Variants in CGREF1 observed in about 807,000 individuals in gnomAD.
The protein encoded by CGREF1 is cell growth regulator with EF hand domain protein 1.
CGREF1 carries 16 observed loss-of-function variants against 17.4 expected under a neutral mutation model. The observed-to-expected ratio is 0.92, with a 90% CI of 0.62 to 1.40. The LOEUF (loss-of-function observed/expected upper bound fraction) is 1.40, where lower values mean the gene tolerates loss of function less well. Ranked by LOEUF, CGREF1 falls within the 40% of genes most tolerant of loss-of-function variation. CGREF1 has a pLI of 0.00. For synonymous variants in CGREF1, 142 were observed against 154.6 expected (o/e 0.92, Z 0.61); for missense variants, 296 against 376.4 (o/e 0.79, Z 1.77).
rs1670785047 is a variant in CGREF1, at chr2:27,100,940, G to A, written c.*334C>T. ...GGTCCTCTGCAGCCGGCCATGGCTA[G>A]CACCATGCGCTCTGCTGCCGGAGCA... On this transcript the variant is annotated 3_prime_UTR_variant, in exon 6 of 6. Coordinates refer to ENST00000402394, the MANE Select transcript of CGREF1 (RefSeq NM_006569.6). 1.8e-5 allele frequency: 20 copies of A among 1,130,340 alleles called. No individual in the cohort carries two copies. Among genetic ancestry groups the A allele is most frequent in the Admixed American group, 4.6e-5 (1 of 21,950 alleles). 70.0% of individuals were successfully genotyped at this position (1,130,340 alleles called of 1,614,324 possible). A position where few individuals can be genotyped will look rare whatever the true frequency, so the allele number is the denominator to read the frequency against.
At chr2:27,099,408 G>C (rs374688541), downstream of CGREF1, 1 of 1,612,878 alleles carries the variant, frequency 6.2e-7, no homozygotes, top group Non-Finnish European at 8.5e-7. Flanking sequence ...GCTGAGTGGA[G>C]CCGTCTTGCA....
Position 27,119,065 on chromosome 2 carries a change from C to CA in CGREF1, c.-232dup, listed in dbSNP as rs999692658. The CA allele has an allele frequency of 6.6e-6, 1 of 152,512 alleles. No individual in the cohort carries two copies. Among genetic ancestry groups the CA allele is most frequent in the African/African-American group, 2.4e-5 (1 of 41,426 alleles). 9.4% of individuals were successfully genotyped at this position (152,512 alleles called of 1,614,324 possible). A position where few individuals can be genotyped will look rare whatever the true frequency, so the allele number is the denominator to read the frequency against. ...CGGACCTGGCCCTTCGCAGCTCCACCAGCGCCCCCGCTGCGCCCGCGGCCG... is the reference window on the plus strand; with the variant it reads ...CGGACCTGGCCCTTCGCAGCTCCACCAAGCGCCCCCGCTGCGCCCGCGGCCG... On this transcript the variant is annotated 5_prime_UTR_variant, in exon 1 of 6. Transcript: ENST00000402394. This position sits in a 1 kb window ranked among gnomAD's most constrained non-coding sequence, Gnocchi z 5.6.
intron 1 of CGREF1, among the ~76,000 whole-genome samples, chr2:27,111,563 G>A (rs1473838480): frequency 6.6e-6 from 1 of 152,228 alleles, no homozygotes; most frequent in East Asian, 1.9e-4. Context: ...GTGGAGCAGG[G>A]GGTGGCGCTC....
chr2:27,111,143 C>T (rs1671364049), intron 1 of CGREF1, among the ~76,000 whole-genome samples: 1 of 151,988 alleles, frequency 6.6e-6, no homozygotes, highest in Non-Finnish European at 1.5e-5. Context: ...TCTTATCCGG[C>T]CCCCACCCAC....
At chr2:27,116,223 CAA>C (rs34733143) in intron 1 of CGREF1, among the ~76,000 whole-genome samples, 24 of 104,162 alleles carry the variant, frequency 2.3e-4, no homozygotes, top group Admixed American at 2.9e-4. Context: ...AAGATGCCAC[CAA>C]AAAAAAAAAA....
At chr2:27,100,319 G>T, downstream of CGREF1, 2 of 788,916 alleles carry the variant, frequency 2.5e-6, no homozygotes, top group Non-Finnish European at 3.7e-6. Context: ...CCTCTGCCCT[G>T]CCCACCAGCC....
At position 27,101,183 on chromosome 2, in the gene CGREF1, A is replaced by G. The variant is rs2148377033; in HGVS notation, c.*91T>C. 6.7e-7 allele frequency: 1 copy of G among 1,498,126 alleles called. No individual in the cohort carries two copies. Among genetic ancestry groups the G allele is most frequent in the Non-Finnish European group, 8.9e-7 (1 of 1,129,072 alleles). The allele number at this position is 1,498,126 out of a possible 1,614,324, so 92.8% of individuals were successfully genotyped here. A position where few individuals can be genotyped will look rare whatever the true frequency, so the allele number is the denominator to read the frequency against. The stretch of plus-strand genomic sequence containing the variant: ...CTGGGACCAGGCAGGGGGCACAGAG[A>G]TGGTCCTTGTCCCAGCGTACATTTC... On this transcript the variant is annotated 3_prime_UTR_variant, in exon 6 of 6. Transcript: ENST00000402394.
At chr2:27,116,197 C>T (rs1671558643) in intron 1 of CGREF1, among the ~76,000 whole-genome samples, 1 of 145,500 alleles carries the variant, frequency 6.9e-6, no homozygotes, top group African/African-American at 2.6e-5. Context: ...CACTGCACTC[C>T]AGCCTGGATG....
At chr2:27,113,739 T>C (rs1671474365) in intron 1 of CGREF1, among the ~76,000 whole-genome samples, 1 of 152,098 alleles carries the variant, frequency 6.6e-6, no homozygotes, top group Admixed American at 6.5e-5. Context: ...GTTTAATTAA[T>C]GAGACAAGAT....
At chr2:27,100,219 G>A (rs187387157), downstream of CGREF1, 618 of 403,544 alleles carry the variant, frequency 1.5e-3, 1 homozygote, top group Middle Eastern at 0.02. Context: ...GGGGCCCTGC[G>A]TTGTGCAGAC....
downstream of CGREF1, chr2:27,099,812 C>A (rs1220026720): frequency 3.2e-6 from 5 of 1,584,220 alleles, no homozygotes; most frequent in Non-Finnish European, 4.3e-6. Context: ...CGCCTTCTCC[C>A]CTCCATCCAG....
Position 27,102,743 on chromosome 2 carries a change from T to C in CGREF1, c.81-152A>G. 4.1e-6 allele frequency: 4 copies of C among 977,618 alleles called. 1 individual carries two copies. The South Asian group carries it at 7.0e-5, about 17-fold the overall frequency. The allele number at this position is 977,618 out of a possible 1,614,324, so 60.6% of individuals were successfully genotyped here. A position where few individuals can be genotyped will look rare whatever the true frequency, so the allele number is the denominator to read the frequency against. The stretch of plus-strand genomic sequence containing the variant: ...AAAAACCCTGTAGTGGGGAGGCTCT[T>C]CTGGTCTCCTTGGAACCAAATCCTT... On this transcript the variant is annotated intron_variant, in intron 2 of 5. Coordinates refer to ENST00000402394, the MANE Select transcript of CGREF1 (RefSeq NM_006569.6).
downstream of CGREF1, chr2:27,099,721 G>T: frequency 6.2e-7 from 1 of 1,614,152 alleles, no homozygotes; most frequent in South Asian, 1.1e-5. Flanking sequence ...CAAGAAGTGT[G>T]GCCTGCAGGG....
downstream of CGREF1, chr2:27,100,430 C>T (rs1284562226): frequency 6.2e-6 from 8 of 1,290,790 alleles, no homozygotes; most frequent in East Asian, 5.5e-5. Flanking sequence ...GAATTAAGGG[C>T]GTGCCTCAGC....
chr2:27,099,445 G>A (rs754789918), downstream of CGREF1: 11 of 1,613,716 alleles, frequency 6.8e-6, no homozygotes, highest in East Asian at 2.2e-5. Context: ...TGCCTGGGCT[G>A]AGGAGGGCGC....
intron 1 of CGREF1, among the ~76,000 whole-genome samples, chr2:27,112,312 A>G (rs1671422115): frequency 1.3e-5 from 2 of 152,262 alleles, no homozygotes; most frequent in Middle Eastern, 3.4e-3. Context: ...GAACAAATAG[A>G]AAAGGCACAA....
In CGREF1 at chr2:27,100,822, T is replaced by C; in HGVS notation, c.*452A>G. 2 of 1,113,406 alleles carry C rather than the reference T, an allele frequency of 1.8e-6. No individual in the cohort carries two copies. Among genetic ancestry groups the C allele is most frequent in the Non-Finnish European group, 2.2e-6 (2 of 905,458 alleles). 69.0% of individuals were successfully genotyped at this position (1,113,406 alleles called of 1,614,324 possible). A position where few individuals can be genotyped will look rare whatever the true frequency, so the allele number is the denominator to read the frequency against. Reference sequence around the variant, plus strand: ...TTACTGGGGATGGGGTCACCTGCCCTGAGCTGCAGGAGAGCATGGGGTGTC... The same window carrying C: ...TTACTGGGGATGGGGTCACCTGCCCCGAGCTGCAGGAGAGCATGGGGTGTC... On this transcript the variant is annotated 3_prime_UTR_variant, in exon 6 of 6. Transcript: ENST00000402394.
At chr2:27,107,087 T>C (rs772501653) in intron 1 of CGREF1, among the ~76,000 whole-genome samples, 5 of 152,120 alleles carry the variant, frequency 3.3e-5, no homozygotes, top group Non-Finnish European at 5.9e-5. Flanking sequence ...AGAATTTCCA[T>C]AGGTAAAGTT....
chr2:27,103,423 A>G (rs192863096), intron 2 of CGREF1, among the ~76,000 whole-genome samples: 420 of 151,358 alleles, frequency 2.8e-3, no homozygotes, highest in African/African-American at 9.8e-3. Context: ...ACCCAGGCTG[A>G]GTGCAGTGGC....
Sources: allele counts gnomAD v4.1 joint callset (sites outside exome capture counted in the v4.1 genomes callset), GRCh38; gene constraint gnomAD v4.1.1; non-coding constraint Gnocchi (gnomAD v3.1); transcripts MANE v1.5; gene names NCBI Gene and HGNC (gene_info 2026-07-23, HGNC 2026-07-21).